The following RLN2 variants were observed in gnomAD, a reference collection of about 807,000 sequenced individuals.
RLN2 encodes the protein prorelaxin H2.
In RLN2, 10 loss-of-function variants were observed where a neutral mutation model predicts 7.3. That is an observed-to-expected ratio of 1.36 (90% CI 0.84 to 2.31). The LOEUF (loss-of-function observed/expected upper bound fraction) is 2.31, where lower values mean the gene tolerates loss of function less well. RLN2 is among the 30% of genes most tolerant of loss of function. The pLI, the probability that RLN2 is intolerant of heterozygous loss-of-function variation, is 0.00. For missense variants in RLN2, 298 were observed against 217.6 expected (o/e 1.37, Z -2.32); for synonymous variants, 103 against 82.3 (o/e 1.25, Z -1.36).
chr9:5,326,841 A>C, the RLN2 span, among the ~76,000 whole-genome samples: 3 of 152,212 alleles, frequency 2.0e-5, no homozygotes, highest in Admixed American at 2.0e-4. Flanking sequence ...TAAGTATTGA[A>C]ATAGAAGGCA....
the RLN2 span, among the ~76,000 whole-genome samples, chr9:5,327,509 G>A: frequency 6.6e-6 from 1 of 152,082 alleles, no homozygotes; most frequent in Admixed American, 6.6e-5. Flanking sequence ...GACAACTTCT[G>A]CAGACTTAAA....
At chr9:5,301,764 C>G (rs990758243) in intron 1 of RLN2, among the ~76,000 whole-genome samples, 3 of 152,138 alleles carry the variant, frequency 2.0e-5, no homozygotes, top group South Asian at 2.1e-4. Flanking sequence ...CCTGAGTTTT[C>G]TGGCAAGAGA....
At chr9:5,336,545 T>G in the RLN2 span, among the ~76,000 whole-genome samples, 8 of 152,116 alleles carry the variant, frequency 5.3e-5, no homozygotes, top group Non-Finnish European at 1.0e-4. Context: ...TCTCTGGCAC[T>G]GCCAGTTAAA....
chr9:5,335,237 C>A, the RLN2 span: 39 of 1,518,240 alleles, frequency 2.6e-5, no homozygotes, highest in Non-Finnish European at 3.5e-5. Context: ...AAGATGTGCA[C>A]AATTAGCTTC....
At chr9:5,307,294 TA>T (rs1487359526), upstream of RLN2, among the ~76,000 whole-genome samples, 1 of 148,710 alleles carries the variant, frequency 6.7e-6, no homozygotes, top group African/African-American at 2.6e-5. Context: ...GATAGATAGA[TA>T]GATAGATAGA....
chr9:5,316,234 T>C, the RLN2 span, among the ~76,000 whole-genome samples: 1 of 152,044 alleles, frequency 6.6e-6, no homozygotes, highest in African/African-American at 2.4e-5. Context: ...TATGTATATA[T>C]GTGCAAATAA....
At chr9:5,314,759 G>A in the RLN2 span, among the ~76,000 whole-genome samples, 3 of 151,890 alleles carry the variant, frequency 2.0e-5, no homozygotes, top group Non-Finnish European at 4.4e-5. Context: ...GCTATTCCAG[G>A]GTCCTTGCTG....
the RLN2 span, among the ~76,000 whole-genome samples, chr9:5,325,747 A>C: frequency 9.2e-5 from 14 of 152,110 alleles, no homozygotes; most frequent in African/African-American, 3.4e-4. Context: ...GGGTATTCAC[A>C]AGCCAATATC....
chr9:5,300,183 C>G lies in RLN2; in HGVS notation c.473G>C (p.Arg158Pro), dbSNP rs767650831. 6.2e-7 allele frequency: 1 copy of G among 1,612,276 alleles called. No homozygotes were observed. The highest frequency in any genetic ancestry group is 1.3e-5 in the African/African-American group (1 of 74,728). The change falls in exon 2 of 2, where the codon CGA (arginine) becomes CCA (proline). Residue 158 changes from arginine (R) to proline (P), a missense_variant. Physicochemically the swap from Arg to Pro is moderately radical, Grantham distance 103. Transcript: ENST00000381627. ...TGCACTGTAGAGTTGTCTCTTTTTT[C>G]GAGAATGAGTATCCAAGCCTAAGTA... is the stretch of plus-strand genomic sequence containing the variant. The part of the protein sequence containing the change: ...LKYLGLDTHS[R>P]KKRQLYSALA...
chr9:5,311,659 T>A, the RLN2 span: 1 of 1,340,734 alleles, frequency 7.5e-7, no homozygotes, highest in Non-Finnish European at 1.1e-6. Context: ...CTGCAGAAAA[T>A]GGAGACGCCA....
the RLN2 span, among the ~76,000 whole-genome samples, chr9:5,312,685 A>G: frequency 0.03 from 4,598 of 151,908 alleles, 272 homozygotes; most frequent in African/African-American, 0.11. Context: ...TTGTTTATGG[A>G]GAGTATCTTT....
the RLN2 span, among the ~76,000 whole-genome samples, chr9:5,317,891 T>C: frequency 6.6e-6 from 1 of 152,030 alleles, no homozygotes; most frequent in Non-Finnish European, 1.5e-5. Flanking sequence ...TAATACACTG[T>C]TGACGAAGTG....
the RLN2 span, chr9:5,311,479 G>C: frequency 1.5e-6 from 1 of 667,532 alleles, no homozygotes; most frequent in South Asian, 1.6e-5. Context: ...GATGTTAAAG[G>C]AGATAAAGTC....
the RLN2 span, chr9:5,335,213 T>A: frequency 7.9e-7 from 1 of 1,270,818 alleles, no homozygotes; most frequent in East Asian, 2.3e-5. Context: ...CAAGACTATG[T>A]GTGAAAATTA....
the RLN2 span, among the ~76,000 whole-genome samples, chr9:5,311,133 T>A: frequency 3.9e-5 from 6 of 152,022 alleles, no homozygotes; most frequent in Non-Finnish European, 7.4e-5. Flanking sequence ...AATTGCTTCT[T>A]GACATACCAT....
At chr9:5,334,028 T>C in the RLN2 span, among the ~76,000 whole-genome samples, 1 of 151,916 alleles carries the variant, frequency 6.6e-6, no homozygotes. Flanking sequence ...TTCAAAATAA[T>C]AAGAGCCATT....
chr9:5,324,596 A>C, the RLN2 span, among the ~76,000 whole-genome samples: 1 of 152,038 alleles, frequency 6.6e-6, no homozygotes, highest in Admixed American at 6.6e-5. Context: ...TAAACCTACC[A>C]AACAGATTCA....
At position 5,303,019 on chromosome 9, in the gene RLN2, T is replaced by G. The variant is rs546168523; in HGVS notation, c.211+1351A>C. 7.3e-3 allele frequency among the ~76,000 whole-genome samples: 791 copies of G among 108,438 alleles called. 10 individuals are homozygous for G. Among genetic ancestry groups the G allele is most frequent in the Non-Finnish European group, 1.0e-2 (535 of 53,664 alleles). 71.1% of individuals were successfully genotyped at this position (108,438 alleles called of 152,430 possible). A position where few individuals can be genotyped will look rare whatever the true frequency, so the allele number is the denominator to read the frequency against. On this transcript the variant is annotated intron_variant, in intron 1 of 1. Transcript: ENST00000381627. Reference sequence around the variant, plus strand: ...CATTAATGTACATTTGTCTTTAATATGAGCATTACTACTTTTATAGTCAGA... The same window carrying G: ...CATTAATGTACATTTGTCTTTAATAGGAGCATTACTACTTTTATAGTCAGA...
At chr9:5,322,195 T>C in the RLN2 span, among the ~76,000 whole-genome samples, 3 of 151,884 alleles carry the variant, frequency 2.0e-5, no homozygotes, top group African/African-American at 7.3e-5. Context: ...TCTTTGTGAC[T>C]CTGGGAAAGC....
Sources: allele counts gnomAD v4.1 joint callset (sites outside exome capture counted in the v4.1 genomes callset), GRCh38; gene constraint gnomAD v4.1.1; transcripts MANE v1.5; gene names NCBI Gene and HGNC (gene_info 2026-07-23, HGNC 2026-07-21).